EMB: variants seen among roughly 807,000 people sequenced by gnomAD.
EMB encodes the protein embigin homolog.
EMB carries 31 observed loss-of-function variants against 41.4 expected under a neutral mutation model. That is an observed-to-expected ratio of 0.75 (90% CI 0.56 to 1.01). The LOEUF (loss-of-function observed/expected upper bound fraction) is 1.01. Ranked by LOEUF, EMB falls within the 50% of genes least tolerant of loss-of-function variation. The pLI is 0.00. For missense variants in EMB, 379 were observed against 388.3 expected (o/e 0.98, Z 0.20); for synonymous variants, 137 against 140.4 (o/e 0.98, Z 0.17).
chr5:50,439,668 G>C (rs2111880170), intron 1 of EMB, among the ~76,000 whole-genome samples: 1 of 152,050 alleles, frequency 6.6e-6, no homozygotes, highest in Admixed American at 6.5e-5. Flanking sequence ...AATCTGCGAA[G>C]GAACCCACGA....
chr5:50,436,735 T>C (rs1218457158), intron 1 of EMB, among the ~76,000 whole-genome samples: 2 of 152,146 alleles, frequency 1.3e-5, no homozygotes, highest in Admixed American at 6.6e-5. Context: ...CAGCCTCAGA[T>C]ATCCTGATCT....
At chr5:50,422,445 G>GT (rs1446519415) in intron 2 of EMB, among the ~76,000 whole-genome samples, 3 of 152,200 alleles carry the variant, frequency 2.0e-5, no homozygotes, top group Non-Finnish European at 4.4e-5. Context: ...GTAAAACAAT[G>GT]TAACAGTAGA....
intron 2 of EMB, among the ~76,000 whole-genome samples, chr5:50,416,293 G>T (rs930249338): frequency 6.6e-6 from 1 of 152,192 alleles, no homozygotes; most frequent in Non-Finnish European, 1.5e-5. Context: ...ACAATTTGTT[G>T]TTTTTGAAAC....
intron 8 of EMB, 147 bp from the exon 9 acceptor site, chr5:50,399,437 A>C: frequency 8.3e-7 from 1 of 1,210,434 alleles, no homozygotes; most frequent in East Asian, 2.9e-5. Flanking sequence ...AATGTTGATG[A>C]ACTAAAAATT....
Position 50,441,092 on chromosome 5 carries a change from G to A in EMB, c.60C>T (p.Leu20=), listed in dbSNP as rs781246096. ...GGCGCGCGGCAGCGAGAAGGCACTGGAGGAGGAGCAGCCGGGGCGTACGCG... is the reference window on the plus strand; with the variant it reads ...GGCGCGCGGCAGCGAGAAGGCACTGAAGGAGGAGCAGCCGGGGCGTACGCG... ...ARARTPRLLL[L]QCLLAAARPS... The change falls in exon 1 of 9, where the codon CTC becomes CTT. Residue 20 remains leucine (L), a synonymous_variant. Transcript: ENST00000303221. The A allele has an allele frequency of 6.6e-7, 1 of 1,520,456 alleles. No individual in the cohort carries two copies. Among genetic ancestry groups the A allele is most frequent in the Admixed American group, 2.0e-5 (1 of 49,260 alleles). The allele number at this position is 1,520,456 out of a possible 1,614,324, so 94.2% of individuals were successfully genotyped here. A position where few individuals can be genotyped will look rare whatever the true frequency, so the allele number is the denominator to read the frequency against.
At chr5:50,435,475 CT>C (rs1745789147) in intron 1 of EMB, among the ~76,000 whole-genome samples, 1 of 152,178 alleles carries the variant, frequency 6.6e-6, no homozygotes, top group East Asian at 1.9e-4. Context: ...GTGACAGTCT[CT>C]TCTGACTTTT....
intron 1 of EMB, among the ~76,000 whole-genome samples, chr5:50,439,798 A>T (rs990061008): frequency 2.6e-5 from 4 of 152,286 alleles, no homozygotes; most frequent in Admixed American, 2.6e-4. Context: ...ACATCTTACA[A>T]GCCCATGAAA....
intron 2 of EMB, among the ~76,000 whole-genome samples, chr5:50,423,072 G>A (rs1745551863): frequency 1.3e-5 from 2 of 150,670 alleles, no homozygotes; most frequent in African/African-American, 2.4e-5. Context: ...GTCTAAGTAA[G>A]CTGGTGTATT....
chr5:50,416,359 T>A (rs1745431735), intron 2 of EMB, among the ~76,000 whole-genome samples: 1 of 152,210 alleles, frequency 6.6e-6, no homozygotes, highest in Admixed American at 6.5e-5. Context: ...TCTAAATAAT[T>A]TCTTATTTTC....
At chr5:50,431,093 A>G (rs1228650847) in intron 1 of EMB, among the ~76,000 whole-genome samples, 1 of 152,218 alleles carries the variant, frequency 6.6e-6, no homozygotes, top group Non-Finnish European at 1.5e-5. Flanking sequence ...AAACACCACC[A>G]GTACCTTAAC....
chr5:50,405,973 TATATCA>T, intron 4 of EMB, 121 bp from the exon 5 acceptor site: 1 of 1,360,644 alleles, frequency 7.3e-7, no homozygotes, highest in Non-Finnish European at 9.7e-7. Flanking sequence ...CTTTCAGTTA[TATATCA>T]ATGAAACTAA....
intron 1 of EMB, among the ~76,000 whole-genome samples, chr5:50,438,220 AC>A (rs1375004076): frequency 6.6e-6 from 1 of 152,228 alleles, no homozygotes; most frequent in African/African-American, 2.4e-5. Flanking sequence ...ATGTGTAATT[AC>A]TTGGGCAATT....
rs763758075 is a variant in EMB at position 50,402,332 on chromosome 5, A to G, written c.878-13T>C. ...TCTTTCCCCTCATCTGTGTAACAAAAGAAGAATTTGACTGTGAAGTTGGTT... is the reference window on the plus strand; with the variant it reads ...TCTTTCCCCTCATCTGTGTAACAAAGGAAGAATTTGACTGTGAAGTTGGTT... On this transcript the variant is annotated splice_polypyrimidine_tract_variant and intron_variant, in intron 6 of 8. Transcript: ENST00000303221. 2.5e-6 allele frequency: 4 copies of G among 1,608,738 alleles called. No homozygotes were observed. The highest frequency in any genetic ancestry group is 1.1e-5 in the South Asian group (1 of 90,952).
rs1174540542 is a variant in EMB at position 50,441,287 on chromosome 5, A to T, written c.-136T>A. 2.2e-6 allele frequency: 1 copy of T among 462,400 alleles called. No homozygotes were observed. Among genetic ancestry groups the T allele is most frequent in the Non-Finnish European group, 3.5e-6 (1 of 283,008 alleles). 28.6% of individuals were successfully genotyped at this position (462,400 alleles called of 1,614,324 possible). On this transcript the variant is annotated 5_prime_UTR_variant, in exon 1 of 9. Transcript: ENST00000303221. ...TGCCGCGGGTAGGACGCTGAAGAAA[A>T]GGCGGAATGGGAGGGGCCCGGCCGC...
At chr5:50,440,622 C>A (rs567262583) in intron 1 of EMB, among the ~76,000 whole-genome samples, 1 of 151,410 alleles carries the variant, frequency 6.6e-6, no homozygotes. Context: ...GCCTTACTCT[C>A]GAATCAAGAA....
chr5:50,422,024 A>T (rs1306795875), intron 2 of EMB, among the ~76,000 whole-genome samples: 7 of 152,306 alleles, frequency 4.6e-5, no homozygotes, highest in Non-Finnish European at 1.0e-4. Context: ...GTGCACATGT[A>T]CCCTAAAACT....
At chr5:50,403,074 A>T in intron 6 of EMB, 104 bp downstream of exon 6, 5 of 1,091,530 alleles carry the variant, frequency 4.6e-6, no homozygotes, top group Non-Finnish European at 6.4e-6. Context: ...TCCTAAAGTC[A>T]TTGCAATGTA....
rs552017379 is a variant in EMB at position 50,417,311 on chromosome 5, C to T, written c.197-5928G>A. ...TCTTATTTTTATCATTAATGTTGTG[C>T]GTCTTAAACATATGGAGTTAACTTA... On this transcript the variant is annotated intron_variant, in intron 2 of 8. Transcript: ENST00000303221. 2.3e-4 allele frequency among the ~76,000 whole-genome samples: 35 copies of T among 152,184 alleles called. No individual in the cohort carries two copies. The South Asian group carries it at 4.6e-3, about 20-fold the overall frequency.
chr5:50,429,121 C>G (rs1226088600), intron 1 of EMB, among the ~76,000 whole-genome samples: 3 of 152,140 alleles, frequency 2.0e-5, no homozygotes, highest in African/African-American at 7.2e-5. Context: ...GTCTCAATCT[C>G]TTAACCTCGT....
Sources: allele counts gnomAD v4.1 joint callset (sites outside exome capture counted in the v4.1 genomes callset), GRCh38; gene constraint gnomAD v4.1.1; transcripts MANE v1.5; gene names NCBI Gene and HGNC (gene_info 2026-07-23, HGNC 2026-07-21).